The following TENM4 variants were observed in gnomAD, a reference collection of about 807,000 sequenced individuals.
TENM4 encodes teneurin-4.
TENM4 carries 82 observed loss-of-function variants against 243.3 expected under a neutral mutation model. That is an observed-to-expected ratio of 0.34 (90% CI 0.28 to 0.40). The LOEUF is 0.40. Among genes scored for constraint, TENM4 ranks in the 10% least tolerant of loss-of-function variants. The probability of loss-of-function intolerance (pLI) is 1.00; values close to 1 mark genes in which losing one functional copy is unlikely to be tolerated. For missense variants in TENM4, 3,138 were observed against 3,673.3 expected (o/e 0.85, Z 3.77); for synonymous variants, 1,412 against 1,456.3 (o/e 0.97, Z 0.69).
chr11:78,810,101 A>G (rs556060729), intron 14 of TENM4, among the ~76,000 whole-genome samples: 14 of 152,342 alleles, frequency 9.2e-5, no homozygotes, highest in African/African-American at 3.1e-4. Context: ...TTTTATAAAC[A>G]CAGTGAAACC....
At chr11:79,337,539 A>G (rs1857167120) in intron 1 of TENM4, among the ~76,000 whole-genome samples, 1 of 152,202 alleles carries the variant, frequency 6.6e-6, no homozygotes, top group African/African-American at 2.4e-5. Flanking sequence ...GAGAATAGCC[A>G]GAAAGGGTTG....
At chr11:79,042,055 C>T (rs4945318) in intron 6 of TENM4, among the ~76,000 whole-genome samples, 110,117 of 152,044 alleles carry the variant, frequency 0.72, 41,156 homozygotes, top group Non-Finnish European at 0.84. Flanking sequence ...GACCTGGTAC[C>T]AATAGATGCG....
intron 2 of TENM4, among the ~76,000 whole-genome samples, chr11:79,270,385 G>A (rs747198782): frequency 3.3e-5 from 5 of 152,182 alleles, no homozygotes; most frequent in African/African-American, 4.8e-5. Context: ...TGTATGGCAT[G>A]TGAATTATAT....
chr11:78,741,456 C>A (rs1312961596), intron 19 of TENM4, among the ~76,000 whole-genome samples: 1 of 152,124 alleles, frequency 6.6e-6, no homozygotes, highest in African/African-American at 2.4e-5. Flanking sequence ...CAGGAGGATG[C>A]CATTATGCGG....
intron 1 of TENM4, among the ~76,000 whole-genome samples, chr11:79,396,906 A>T (rs529523374): frequency 6.6e-6 from 1 of 152,326 alleles, no homozygotes; most frequent in South Asian, 2.1e-4. Context: ...TCGGTTTGCC[A>T]AGGCAAAGGT....
chr11:79,373,980 G>A (rs957730951), intron 1 of TENM4, among the ~76,000 whole-genome samples: 2 of 152,166 alleles, frequency 1.3e-5, no homozygotes, highest in Non-Finnish European at 2.9e-5. Flanking sequence ...CAAGGCTGGG[G>A]CAGGAAAGCA....
chr11:79,067,333 T>C (rs1364847176), intron 5 of TENM4, among the ~76,000 whole-genome samples: 3 of 152,132 alleles, frequency 2.0e-5, no homozygotes, highest in African/African-American at 7.2e-5. Flanking sequence ...CTGCTCTCCC[T>C]GCGTATCACA....
At chr11:78,996,896 G>C (rs1858188155) in intron 6 of TENM4, among the ~76,000 whole-genome samples, 1 of 152,152 alleles carries the variant, frequency 6.6e-6, no homozygotes, top group South Asian at 2.1e-4. Context: ...CTTCCCAGTG[G>C]CTTGTAGTCA....
intron 11 of TENM4, among the ~76,000 whole-genome samples, chr11:78,855,700 C>T (rs576754770): frequency 6.6e-6 from 1 of 152,246 alleles, no homozygotes; most frequent in South Asian, 2.1e-4. Flanking sequence ...ATCACATTTC[C>T]TGGATAATTT....
At chr11:79,118,376 T>C (rs902420362) in intron 4 of TENM4, among the ~76,000 whole-genome samples, 1 of 152,218 alleles carries the variant, frequency 6.6e-6, no homozygotes, top group Non-Finnish European at 1.5e-5. Flanking sequence ...CTAATCCCCT[T>C]TTAAAACATT....
chr11:78,807,581 G>A (rs1375612639), intron 14 of TENM4, among the ~76,000 whole-genome samples: 1 of 152,168 alleles, frequency 6.6e-6, no homozygotes, highest in African/African-American at 2.4e-5. Flanking sequence ...AAAGGAGGTC[G>A]ATTCATGTTC....
intron 4 of TENM4, among the ~76,000 whole-genome samples, chr11:79,107,416 C>T (rs1861399779): frequency 6.6e-6 from 1 of 152,150 alleles, no homozygotes; most frequent in South Asian, 2.1e-4. Context: ...CATCTCTCCA[C>T]CCACCTCTGT....
chr11:79,158,273 T>C (rs1390292332), intron 3 of TENM4, among the ~76,000 whole-genome samples: 6 of 152,210 alleles, frequency 3.9e-5, no homozygotes, highest in Non-Finnish European at 7.3e-5. Context: ...AACATTTTGG[T>C]AAATTTCCTT....
chr11:78,911,925 G>C (rs1487225743), intron 6 of TENM4, among the ~76,000 whole-genome samples: 1 of 152,216 alleles, frequency 6.6e-6, no homozygotes, highest in Non-Finnish European at 1.5e-5. Flanking sequence ...GTCTCAGGCA[G>C]TAGCCACATC....
chr11:78,898,789 C>T (rs533862789), intron 7 of TENM4, among the ~76,000 whole-genome samples: 1 of 152,140 alleles, frequency 6.6e-6, no homozygotes, highest in South Asian at 2.1e-4. Flanking sequence ...AGCATTATTT[C>T]CTGTACTTTT....
At chr11:78,721,273 G>C (rs1256339621) in intron 24 of TENM4, among the ~76,000 whole-genome samples, 2 of 152,208 alleles carry the variant, frequency 1.3e-5, no homozygotes, top group Non-Finnish European at 2.9e-5. Context: ...TCCCCTGGTG[G>C]TCCTCTTCTC....
At position 78,771,071 on chromosome 11, in the gene TENM4, G is replaced by A. The variant is rs1263795586; in HGVS notation, c.2460C>T (p.Val820=). 1 of 1,577,776 alleles carries A rather than the reference G, an allele frequency of 6.3e-7. No individual in the cohort carries two copies. ...CTLDLNGWHC[V]CQLGWRGAGC... ...CAGCTCCTCTCCAGCCCAGCTGGCA[G>A]ACGCAGTGCCAACCATTCAGGTCTA... The change falls in exon 18 of 34, where the codon GTC becomes GTT. Residue 820 remains valine, a synonymous_variant. Transcript: ENST00000278550.
chr11:79,168,420 G>C (rs751180106), intron 3 of TENM4, among the ~76,000 whole-genome samples: 3 of 152,186 alleles, frequency 2.0e-5, no homozygotes, highest in Non-Finnish European at 4.4e-5. Flanking sequence ...GTCAGGGTGG[G>C]CTTCCTGGAG....
intron 6 of TENM4, among the ~76,000 whole-genome samples, chr11:78,950,674 C>T (rs555963775): frequency 1.3e-5 from 2 of 152,316 alleles, no homozygotes; most frequent in African/African-American, 4.8e-5. Context: ...TGTACGATAA[C>T]TGGGCACTTT....
Sources: gnomAD v4.1 joint callset for allele counts (sites outside exome capture counted in the v4.1 genomes callset) on GRCh38, gnomAD v4.1.1 for gene constraint, MANE v1.5 for transcripts, NCBI Gene and HGNC (gene_info 2026-07-23, HGNC 2026-07-21) for gene names.